NET1: variants seen among roughly 807,000 people sequenced by gnomAD.
NET1 encodes the protein neuroepithelial cell-transforming gene 1 protein.
A neutral mutation model predicts 61.1 loss-of-function variants in NET1; 42 were observed. The ratio of observed to expected loss-of-function variants is 0.69; its 90% CI spans 0.54 to 0.89. NET1 has a LOEUF of 0.89. NET1 is among the 40% of genes least tolerant of loss of function. NET1 has a pLI of 0.00. For synonymous variants in NET1, 254 were observed against 281.8 expected, an observed-to-expected ratio of 0.90 and a Z score of 0.99; for missense variants, 654 against 747.3, an observed-to-expected ratio of 0.88 and a Z score of 1.46.
At chr10:5,438,570 T>C (rs949887008) in intron 3 of NET1, among the ~76,000 whole-genome samples, 1 of 152,128 alleles carries the variant, frequency 6.6e-6, no homozygotes, top group African/African-American at 2.4e-5. Context: ...AACCTATAAC[T>C]AGTAAAAAGA....
In NET1 at chr10:5,423,369, T is replaced by C. The variant is rs1832209529; in HGVS notation, c.129-3286T>C. 6.6e-6 allele frequency among the ~76,000 whole-genome samples: 1 copy of C among 152,202 alleles called. No individual in the cohort carries two copies. Among genetic ancestry groups the C allele is most frequent in the African/African-American group, 2.4e-5 (1 of 41,464 alleles). ...CTTAAGAATGAATTAACAAGATGCT[T>C]TTCTTTTGAACAGCAGCTTTATCAT... is the stretch of plus-strand genomic sequence containing the variant. On this transcript the variant is annotated intron_variant, in intron 1 of 11. Transcript: ENST00000355029. This position sits in a 1 kb window ranked among gnomAD's most constrained non-coding sequence, Gnocchi z 4.4.
In NET1 at chr10:5,446,551, G is replaced by A; in HGVS notation, c.256-5279G>A. ...GTGGTGGACCCCGCCCCCAGGGCCC[G>A]GTTGGCTGTGGCCCCGCCCCCGAGC... On this transcript the variant is annotated intron_variant, in intron 3 of 11. Coordinates refer to ENST00000355029, the MANE Select transcript of NET1 (RefSeq NM_001047160.3). The surrounding 1 kb of genome is among the most constrained non-coding windows in gnomAD (Gnocchi z 5.0). 8.7e-7 allele frequency: 1 copy of A among 1,149,928 alleles called. No individual in the cohort carries two copies. The highest frequency in any genetic ancestry group is 1.1e-6 in the Non-Finnish European group (1 of 936,302). 71.2% of individuals were successfully genotyped at this position (1,149,928 alleles called of 1,614,324 possible).
Position 5,454,734 on chromosome 10 carries a change from A to C in NET1, c.1026+212A>C, listed in dbSNP as rs10904506. On this transcript the variant is annotated intron_variant, in intron 9 of 11. Transcript: ENST00000355029. This position sits in a 1 kb window ranked among gnomAD's most constrained non-coding sequence, Gnocchi z 8.1. ...TTGTATCTTAAGGGACAGGATTCTC[A>C]TCTGATCTCACCTTGTCACCTTTGA... 0.66 allele frequency among the ~76,000 whole-genome samples: 99,655 copies of C among 152,006 alleles called. 32,827 individuals are homozygous for C. The highest frequency in any genetic ancestry group is 0.72 in the Admixed American group (10,993 of 15,274).
intron 1 of NET1, among the ~76,000 whole-genome samples, chr10:5,413,819 C>T (rs1475773245): frequency 1.3e-5 from 2 of 151,960 alleles, no homozygotes; most frequent in Non-Finnish European, 2.9e-5. Flanking sequence ...TGAGTGCCAA[C>T]ACTAGGAATA....
chr10:5,453,251 C>T lies in NET1; in HGVS notation c.596C>T (p.Ala199Val). 6.4e-7 allele frequency: 1 copy of T among 1,570,986 alleles called. No individual in the cohort carries two copies. The highest frequency in any genetic ancestry group is 8.8e-7 in the Non-Finnish European group (1 of 1,140,650). Residue 199 changes from alanine (A) to valine (V), a missense_variant and splice_region_variant, in exon 7 of 12, where the codon GCC (alanine) becomes GTC (valine). By Grantham distance (64) the Ala-to-Val change is moderately conservative. Coordinates refer to ENST00000355029, the MANE Select transcript of NET1 (RefSeq NM_001047160.3). This position sits in a 1 kb window ranked among gnomAD's most constrained non-coding sequence, Gnocchi z 4.9. ...LIEDLKLARKAYHDPMLKLSI... is the reference protein window; with the variant it reads ...LIEDLKLARKVYHDPMLKLSI... ...TGACACATTTCTCCCCTCTGACAGG[C>T]CTATCATGACCCCATGTTAAAGTTG...
chr10:5,450,572 T>C (rs1243839410), intron 3 of NET1, among the ~76,000 whole-genome samples: 1 of 152,132 alleles, frequency 6.6e-6, no homozygotes, highest in Non-Finnish European at 1.5e-5. Context: ...AAAAAGTTGC[T>C]TCTTCTGTTA....
rs759543432 is a variant in NET1, at chr10:5,447,598, C to T, written c.256-4232C>T. Among the ~76,000 whole-genome samples, 1 of 152,036 alleles carries T rather than the reference C, an allele frequency of 6.6e-6. No homozygotes were observed. The highest frequency in any genetic ancestry group is 1.5e-5 in the Non-Finnish European group (1 of 68,026). On this transcript the variant is annotated intron_variant, in intron 3 of 11. Transcript: ENST00000355029. The surrounding 1 kb of genome is among the most constrained non-coding windows in gnomAD (Gnocchi z 4.1). ...ATCTCTTGATTGTGGTAGTGGTTTCCGTCTCTATACACACGTCAAAACTTA... is the reference window on the plus strand; with the variant it reads ...ATCTCTTGATTGTGGTAGTGGTTTCTGTCTCTATACACACGTCAAAACTTA...
rs1350143525 is a variant in NET1, at chr10:5,457,722, G to A, written c.*728G>A. The A allele has an allele frequency of 3.3e-5, 5 of 152,502 alleles. No homozygotes were observed. Among genetic ancestry groups the A allele is most frequent in the Admixed American group, 1.3e-4 (2 of 15,280 alleles). The allele number at this position is 152,502 out of a possible 1,614,324, so 9.4% of individuals were successfully genotyped here. ...TAAAAATGTGTGTGTATGTGTGTGT[G>A]TGTGTGTATATATATATATATTTTT... On this transcript the variant is annotated 3_prime_UTR_variant, in exon 12 of 12. Transcript: ENST00000355029. The surrounding 1 kb of genome is among the most constrained non-coding windows in gnomAD (Gnocchi z 5.4).
chr10:5,428,825 C>T (rs1186433106), intron 2 of NET1, among the ~76,000 whole-genome samples: 1 of 150,854 alleles, frequency 6.6e-6, no homozygotes, highest in South Asian at 2.1e-4. Flanking sequence ...CAGGTTCAAA[C>T]GATTCTCCTG....
intron 3 of NET1, among the ~76,000 whole-genome samples, chr10:5,436,218 G>A (rs1439626370): frequency 0.069 from 2,764 of 39,922 alleles, 181 homozygotes; most frequent in Non-Finnish European, 0.097. Flanking sequence ...GTGTGTGTGT[G>A]TGTGTGCATA....
At position 5,439,899 on chromosome 10, in the gene NET1, A is replaced by G. The variant is rs1832497463; in HGVS notation, c.255+10670A>G. On this transcript the variant is annotated intron_variant, in intron 3 of 11. Coordinates refer to ENST00000355029, the MANE Select transcript of NET1 (RefSeq NM_001047160.3). This position sits in a 1 kb window ranked among gnomAD's most constrained non-coding sequence, Gnocchi z 4.8. Reference sequence around the variant, plus strand: ...GCTCTGGGACCTACTCAAAACTATCACAGCAACATTCCCAAATATAGCAGA... The same window carrying G: ...GCTCTGGGACCTACTCAAAACTATCGCAGCAACATTCCCAAATATAGCAGA... 6.6e-6 allele frequency among the ~76,000 whole-genome samples: 1 copy of G among 152,198 alleles called. No individual in the cohort carries two copies. The highest frequency in any genetic ancestry group is 2.4e-5 in the African/African-American group (1 of 41,462).
At chr10:5,434,260 T>C (rs751782930) in intron 3 of NET1, among the ~76,000 whole-genome samples, 1 of 152,242 alleles carries the variant, frequency 6.6e-6, no homozygotes, top group Non-Finnish European at 1.5e-5. Context: ...CTGAGATCTT[T>C]TCTGCTCCCT....
At position 5,420,927 on chromosome 10, in the gene NET1, C is replaced by G. The variant is rs1832165453; in HGVS notation, c.129-5728C>G. On this transcript the variant is annotated intron_variant, in intron 1 of 11. Coordinates refer to ENST00000355029, the MANE Select transcript of NET1 (RefSeq NM_001047160.3). The surrounding 1 kb of genome is among the most constrained non-coding windows in gnomAD (Gnocchi z 5.3). ...TCTTTCTAAAGAACCCTAGGTTATA[C>G]TACATGATTGAGAGCTCAGAACGAG... is the stretch of plus-strand genomic sequence containing the variant. Among the ~76,000 whole-genome samples the G allele has an allele frequency of 1.3e-5, 2 of 152,078 alleles. No individual in the cohort carries two copies. Among genetic ancestry groups the G allele is most frequent in the Non-Finnish European group, 2.9e-5 (2 of 68,028 alleles).
intron 3 of NET1, among the ~76,000 whole-genome samples, chr10:5,450,422 ATAAT>A (rs929086630): frequency 7.2e-5 from 11 of 152,042 alleles, no homozygotes; most frequent in South Asian, 6.2e-4. Context: ...TTATTCTTAA[ATAAT>A]TAATTAAAAA....
rs937772173 is a variant in NET1, at chr10:5,443,343, A to T, written c.256-8487A>T. ...GTACTTCATAGAGTTGATTAAGATA[A>T]CATGTATAAAGCTCTAGCACAAAGT... On this transcript the variant is annotated intron_variant, in intron 3 of 11. Transcript: ENST00000355029. The surrounding 1 kb of genome is among the most constrained non-coding windows in gnomAD (Gnocchi z 4.8). 6.6e-6 allele frequency among the ~76,000 whole-genome samples: 1 copy of T among 152,234 alleles called. No homozygotes were observed. The highest frequency in any genetic ancestry group is 6.5e-5 in the Admixed American group (1 of 15,290).
rs1832229365 is a variant in NET1, at chr10:5,424,549, C to T, written c.129-2106C>T. Among the ~76,000 whole-genome samples, 1 of 152,102 alleles carries T rather than the reference C, an allele frequency of 6.6e-6. No homozygotes were observed. The highest frequency in any genetic ancestry group is 1.5e-5 in the Non-Finnish European group (1 of 68,010). ...TACCATTTTCTTTGTTGATGCTTGA[C>T]TTTTCTGCAGTAGCAAGAAAAGATG... On this transcript the variant is annotated intron_variant, in intron 1 of 11. Coordinates refer to ENST00000355029, the MANE Select transcript of NET1 (RefSeq NM_001047160.3). This position sits in a 1 kb window ranked among gnomAD's most constrained non-coding sequence, Gnocchi z 6.1.
chr10:5,413,413 G>T (rs1213684839), intron 1 of NET1, among the ~76,000 whole-genome samples: 6 of 152,164 alleles, frequency 3.9e-5, no homozygotes, highest in African/African-American at 1.4e-4. Flanking sequence ...AACCATTTTC[G>T]TGTTTTTTCT....
rs1372997240 is a variant in NET1, at chr10:5,457,466, A to G, written c.*472A>G. On this transcript the variant is annotated 3_prime_UTR_variant, in exon 12 of 12. Transcript: ENST00000355029. This position sits in a 1 kb window ranked among gnomAD's most constrained non-coding sequence, Gnocchi z 5.4. ...GTATGTCTGGAGTATTTCAAACTTT[A>G]CATTGAAACATAATTTCCTTGGAAA... The G allele has an allele frequency of 6.5e-6, 1 of 152,728 alleles. No homozygotes were observed. Among genetic ancestry groups the G allele is most frequent in the African/African-American group, 2.4e-5 (1 of 41,450 alleles). 9.5% of individuals were successfully genotyped at this position (152,728 alleles called of 1,614,324 possible). A position where few individuals can be genotyped will look rare whatever the true frequency, so the allele number is the denominator to read the frequency against.
chr10:5,454,912 T>C lies in NET1; in HGVS notation c.1027-36T>C, dbSNP rs760538461. 1 of 1,602,014 alleles carries C rather than the reference T, an allele frequency of 6.2e-7. No homozygotes were observed. The highest frequency in any genetic ancestry group is 1.1e-5 in the South Asian group (1 of 90,272). On this transcript the variant is annotated intron_variant, in intron 9 of 11. Coordinates refer to ENST00000355029, the MANE Select transcript of NET1 (RefSeq NM_001047160.3). This position sits in a 1 kb window ranked among gnomAD's most constrained non-coding sequence, Gnocchi z 8.1. Reference sequence around the variant, plus strand: ...CAGGAAGCAGAATGAGTTAATAAACTGAAGCTGCTCTGTCAATTTTATTTA... The same window carrying C: ...CAGGAAGCAGAATGAGTTAATAAACCGAAGCTGCTCTGTCAATTTTATTTA...
Sources: gnomAD v4.1 joint callset for allele counts (sites outside exome capture counted in the v4.1 genomes callset) on GRCh38, gnomAD v4.1.1 for gene constraint, Gnocchi (gnomAD v3.1) non-coding constraint, MANE v1.5 for transcripts, NCBI Gene and HGNC (gene_info 2026-07-23, HGNC 2026-07-21) for gene names.